Variants in ELMO1 observed in about 807,000 individuals in gnomAD.
ELMO1 encodes engulfment and cell motility protein 1.
Under a neutral mutation model 98.9 loss-of-function variants are expected in ELMO1, and 26 were observed. The ratio of observed to expected loss-of-function variants is 0.26; its 90% confidence interval spans 0.19 to 0.36. The LOEUF (loss-of-function observed/expected upper bound fraction) is 0.36. Among genes scored for constraint, ELMO1 ranks in the 10% least tolerant of loss-of-function variants. ELMO1 has a pLI of 1.00. For synonymous variants in ELMO1, 346 were observed against 346.0 expected (o/e 1.00, Z 0.00); for missense variants, 627 against 935.2 (o/e 0.67, Z 4.30).
chr7:37,337,046 C>T lies in ELMO1; in HGVS notation c.78+5567G>A, dbSNP rs978243664. Among the ~76,000 whole-genome samples, 3 of 152,138 alleles carry T rather than the reference C, an allele frequency of 2.0e-5. No homozygotes were observed. The East Asian group carries it at 5.8e-4, about 29-fold the overall frequency. ...ATCATTTGACCCCGCAATCTCATTA[C>T]TGGGTATATACCCAGAGGATTATAA... On this transcript the variant is annotated intron_variant, in intron 2 of 21. Coordinates refer to ENST00000310758, the MANE Select transcript of ELMO1 (RefSeq NM_014800.11).
intron 6 of ELMO1, among the ~76,000 whole-genome samples, chr7:37,255,711 C>T: frequency 6.6e-6 from 1 of 152,272 alleles, no homozygotes; most frequent in East Asian, 1.9e-4. Flanking sequence ...GAGCTCAAGC[C>T]CTGGATACCT....
At chr7:37,064,473 T>C (rs1037332355) in intron 15 of ELMO1, among the ~76,000 whole-genome samples, 2 of 152,172 alleles carry the variant, frequency 1.3e-5, no homozygotes, top group African/African-American at 4.8e-5. Flanking sequence ...GGCCTTGGGC[T>C]AACTACTTCA....
intron 1 of ELMO1, among the ~76,000 whole-genome samples, chr7:37,377,280 TA>T (rs1802390406): frequency 6.6e-6 from 1 of 152,052 alleles, no homozygotes; most frequent in East Asian, 1.9e-4. Flanking sequence ...CATCTGTAGT[TA>T]AAAATCTCTA....
At chr7:37,266,112 C>T (rs1436801447) in intron 5 of ELMO1, among the ~76,000 whole-genome samples, 1 of 152,180 alleles carries the variant, frequency 6.6e-6, no homozygotes, top group Non-Finnish European at 1.5e-5. Flanking sequence ...GATCCTGTGT[C>T]GCCTCTGCCT....
At chr7:37,292,742 G>T (rs1486495106) in intron 4 of ELMO1, among the ~76,000 whole-genome samples, 2 of 109,194 alleles carry the variant, frequency 1.8e-5, no homozygotes, top group Non-Finnish European at 2.1e-5. Context: ...GAGGTGGGGG[G>T]GTCAGCCCCC....
At chr7:36,861,511 G>C in intron 21 of ELMO1, 148 bp downstream of exon 21, 1 of 800,864 alleles carries the variant, frequency 1.2e-6, no homozygotes, top group Non-Finnish European at 2.0e-6. Context: ...TTTGTCAAGA[G>C]GTTTCTATTC....
In ELMO1 at chr7:37,244,378, A is replaced by G. The variant is rs1324745598; in HGVS notation, c.427T>C (p.Leu143=). The G allele has an allele frequency of 6.2e-7, 1 of 1,612,896 alleles. No individual in the cohort carries two copies. The highest frequency in any genetic ancestry group is 8.5e-7 in the Non-Finnish European group (1 of 1,179,764). ...VESGTERYQK[L]QKIMKPCFGD... is the part of the protein sequence containing the mutation. ...TACCAAGGCTTCATGATCTTCTGCAATTTCTGGTATCGCCTGCAAAATTTA... is the reference window on the plus strand; with the variant it reads ...TACCAAGGCTTCATGATCTTCTGCAGTTTCTGGTATCGCCTGCAAAATTTA... Residue 143 remains leucine (L), a synonymous_variant, in exon 7 of 22, where the codon TTG becomes CTG. Transcript: ENST00000310758.
chr7:37,259,852 A>G (rs919638903), intron 5 of ELMO1, among the ~76,000 whole-genome samples: 8 of 152,316 alleles, frequency 5.3e-5, no homozygotes, highest in Admixed American at 5.2e-4. Context: ...TGATCTTTCT[A>G]GGTTACTGCA....
intron 1 of ELMO1, among the ~76,000 whole-genome samples, chr7:37,410,625 AAAATG>A (rs1168844415): frequency 6.6e-6 from 1 of 152,244 alleles, no homozygotes; most frequent in Admixed American, 6.5e-5. Context: ...TACATGGATG[AAAATG>A]AAATGAACAG....
intron 16 of ELMO1, among the ~76,000 whole-genome samples, chr7:36,929,692 C>T (rs1366982705): frequency 6.6e-6 from 1 of 152,130 alleles, no homozygotes; most frequent in Non-Finnish European, 1.5e-5. Context: ...GTCTTAGACT[C>T]ACTGTAACAC....
intron 1 of ELMO1, among the ~76,000 whole-genome samples, chr7:37,351,433 C>G (rs1440373842): frequency 6.6e-6 from 1 of 152,146 alleles, no homozygotes; most frequent in East Asian, 1.9e-4. Context: ...GAAGCTGAAG[C>G]TGAAGCTGTC....
At chr7:37,043,755 G>A (rs1425711663) in intron 15 of ELMO1, among the ~76,000 whole-genome samples, 1 of 152,106 alleles carries the variant, frequency 6.6e-6, no homozygotes, top group Non-Finnish European at 1.5e-5. Flanking sequence ...CGAGAGTTTG[G>A]AACTTGTGGC....
chr7:37,398,592 C>G (rs961866821), intron 1 of ELMO1, among the ~76,000 whole-genome samples: 7 of 152,170 alleles, frequency 4.6e-5, no homozygotes, highest in Non-Finnish European at 1.0e-4. Context: ...AGGAAACTAA[C>G]GGGCTGAAGT....
At chr7:37,362,839 C>G (rs1161278113) in intron 1 of ELMO1, among the ~76,000 whole-genome samples, 1 of 152,160 alleles carries the variant, frequency 6.6e-6, no homozygotes, top group Non-Finnish European at 1.5e-5. Flanking sequence ...AGCCCCCTTG[C>G]AGGATAAGGC....
At chr7:37,193,446 G>A (rs1473266615) in intron 13 of ELMO1, among the ~76,000 whole-genome samples, 2 of 152,176 alleles carry the variant, frequency 1.3e-5, no homozygotes, top group Non-Finnish European at 2.9e-5. Flanking sequence ...AGCAGGGATG[G>A]AGGGAAGGCA....
At position 36,950,865 on chromosome 7, in the gene ELMO1, C is replaced by A. The variant is rs553042083; in HGVS notation, c.1438-55848G>T. On this transcript the variant is annotated intron_variant, in intron 16 of 21. Coordinates refer to ENST00000310758, the MANE Select transcript of ELMO1 (RefSeq NM_014800.11). ...GTGGGATTTCAGACCCACCATGTTA[C>A]GGAGTGTCTGAGAGGAAGGCCGAGA... Among the ~76,000 whole-genome samples, 3 of 152,114 alleles carry A rather than the reference C, an allele frequency of 2.0e-5. 1 individual carries two copies. In the South Asian group the frequency reaches 6.2e-4, roughly 32 times the overall value.
chr7:37,184,495 A>AG (rs1320985339), intron 13 of ELMO1, among the ~76,000 whole-genome samples: 1 of 152,212 alleles, frequency 6.6e-6, no homozygotes, highest in East Asian at 1.9e-4. Flanking sequence ...TACACGGTCA[A>AG]GGCCAAAAGT....
intron 16 of ELMO1, among the ~76,000 whole-genome samples, chr7:36,896,240 G>A (rs995689582): frequency 6.6e-6 from 1 of 152,166 alleles, no homozygotes; most frequent in Admixed American, 6.5e-5. Flanking sequence ...TAAGGAAACC[G>A]ACTGAGAAAG....
At position 37,375,681 on chromosome 7, in the gene ELMO1, G is replaced by A. The variant is rs1562651422; in HGVS notation, c.-73-32918C>T. ...TCATGAAGGCCATGCAGTCTCTCAA[G>A]TCCCGAGGCTGTGTGAAGGAACAGT... On this transcript the variant is annotated intron_variant, in intron 1 of 21. Transcript: ENST00000310758. 28 of 1,262,114 alleles carry A rather than the reference G, an allele frequency of 2.2e-5. No individual in the cohort carries two copies. The South Asian group carries it at 2.6e-4, about 12-fold the overall frequency. 78.2% of individuals were successfully genotyped at this position (1,262,114 alleles called of 1,614,324 possible).
Sources: allele counts gnomAD v4.1 joint callset (sites outside exome capture counted in the v4.1 genomes callset), GRCh38; gene constraint gnomAD v4.1.1; transcripts MANE v1.5; gene names NCBI Gene and HGNC (gene_info 2026-07-23, HGNC 2026-07-21).